Variants in CCDC6 observed in about 807,000 individuals in gnomAD.
CCDC6 encodes coiled-coil domain containing 6.
Under a neutral mutation model 56.6 loss-of-function variants are expected in CCDC6, and 20 were observed. The observed-to-expected ratio is 0.35, with a 90% CI of 0.25 to 0.51. CCDC6 has a LOEUF of 0.51. CCDC6 is among the 20% of genes least tolerant of loss of function. The pLI is 0.95. For missense variants in CCDC6, 367 were observed against 601.1 expected, an observed-to-expected ratio of 0.61 and a Z score of 4.07; for synonymous variants, 241 against 234.4, an observed-to-expected ratio of 1.03 and a Z score of -0.26.
intron 7 of CCDC6, among the ~76,000 whole-genome samples, chr10:59,804,190 T>TAA (rs58723922): frequency 6.8e-6 from 1 of 146,464 alleles, no homozygotes. Flanking sequence ...CCTTTTAGAT[T>TAA]AAAAAAAAAA....
intron 1 of CCDC6, among the ~76,000 whole-genome samples, chr10:59,861,795 G>A (rs2071130981): frequency 6.6e-6 from 1 of 152,206 alleles, no homozygotes; most frequent in Non-Finnish European, 1.5e-5. Flanking sequence ...GAAACAAAGA[G>A]TGATGGAGGT....
At position 59,885,925 on chromosome 10, in the gene CCDC6, C is replaced by A. The variant is rs867063856; in HGVS notation, c.303+20197G>T. 7.7e-3 allele frequency among the ~76,000 whole-genome samples: 1,000 copies of A among 129,120 alleles called. 24 individuals are homozygous for A. The highest frequency in any genetic ancestry group is 0.029 in the African/African-American group (926 of 31,550). The allele number at this position is 129,120 out of a possible 152,430, so 84.7% of individuals were successfully genotyped here. On this transcript the variant is annotated intron_variant, in intron 1 of 8. Transcript: ENST00000263102. ...TCTATTTCCAACCCCGCCCCCCGCC[C>A]CCCCAACTAGAATATCAGCTGCCAG... is the stretch of plus-strand genomic sequence containing the variant.
At chr10:59,876,662 C>A (rs1183129285) in intron 1 of CCDC6, among the ~76,000 whole-genome samples, 1 of 149,976 alleles carries the variant, frequency 6.7e-6, no homozygotes. Context: ...AACCCAAAGG[C>A]CACTTTTACA....
At chr10:59,882,024 CGCGGGGAGA>C (rs2071341209) in intron 1 of CCDC6, among the ~76,000 whole-genome samples, 3 of 48,254 alleles carry the variant, frequency 6.2e-5, no homozygotes, top group Non-Finnish European at 7.4e-5. Context: ...AAAGGAAAGC[CGCGGGGAGA>C]AGGAAAGGAA....
At chr10:59,804,349 G>A (rs2132626428) in intron 7 of CCDC6, 71 bp downstream of exon 7, 1 of 878,078 alleles carries the variant, frequency 1.1e-6, no homozygotes. Flanking sequence ...CACTAGAAGG[G>A]AACACAGTCA....
intron 2 of CCDC6, among the ~76,000 whole-genome samples, chr10:59,844,479 G>A (rs182518656): frequency 1.3e-5 from 2 of 150,990 alleles, no homozygotes; most frequent in Non-Finnish European, 2.9e-5. Flanking sequence ...TGCAGGGCAC[G>A]GTGGCTCATG....
intron 3 of CCDC6, among the ~76,000 whole-genome samples, chr10:59,828,201 T>G (rs752531400): frequency 6.6e-6 from 1 of 152,206 alleles, no homozygotes; most frequent in Non-Finnish European, 1.5e-5. Context: ...ATAAGAGATG[T>G]ATAGTGACCA....
At chr10:59,901,129 A>G (rs1317941935) in intron 1 of CCDC6, among the ~76,000 whole-genome samples, 1 of 152,234 alleles carries the variant, frequency 6.6e-6, no homozygotes, top group Non-Finnish European at 1.5e-5. Context: ...ATACTTACAA[A>G]TGTGAAAAAA....
chr10:59,856,655 G>A (rs1453357330), intron 1 of CCDC6, among the ~76,000 whole-genome samples: 1 of 152,078 alleles, frequency 6.6e-6, no homozygotes, highest in African/African-American at 2.4e-5. Flanking sequence ...CAAGCCCCAG[G>A]TACCATTCAC....
At chr10:59,876,586 G>A (rs1413316202) in intron 1 of CCDC6, among the ~76,000 whole-genome samples, 1 of 118,330 alleles carries the variant, frequency 8.5e-6, no homozygotes, top group Non-Finnish European at 1.6e-5. Context: ...ACCTGTTAAG[G>A]GGGAAAAAAA....
intron 5 of CCDC6, among the ~76,000 whole-genome samples, chr10:59,812,082 A>C (rs1488427278): frequency 1.9e-4 from 27 of 141,550 alleles, no homozygotes; most frequent in Admixed American, 1.7e-3. Context: ...AAAAAAAAAA[A>C]CCACAAATAG....
chr10:59,798,867 C>T (rs1049066129), intron 7 of CCDC6, among the ~76,000 whole-genome samples: 1 of 109,692 alleles, frequency 9.1e-6, no homozygotes, highest in Non-Finnish European at 1.8e-5. Context: ...GTGGTTTGTG[C>T]TGATAAATCC....
At position 59,794,483 on chromosome 10, in the gene CCDC6, T is replaced by C. The variant is rs574676584; in HGVS notation, c.1220A>G (p.His407Arg). Residue 407 changes from histidine to arginine, a missense_variant, in exon 8 of 9, where the codon CAT (histidine) becomes CGT (arginine). Transcript: ENST00000263102. ...GLHVQHMGTSHGITRPSPRRS... is the reference protein window; with the variant it reads ...GLHVQHMGTSRGITRPSPRRS... Reference sequence around the variant, plus strand: ...CCCACGGACACTTACTGTGATACCATGGGATGTTCCCATGTGCTGCACGTG... The same window carrying C: ...CCCACGGACACTTACTGTGATACCACGGGATGTTCCCATGTGCTGCACGTG... 6.2e-7 allele frequency: 1 copy of C among 1,614,104 alleles called. No individual in the cohort carries two copies. Among genetic ancestry groups the C allele is most frequent in the African/African-American group, 1.3e-5 (1 of 75,054 alleles).
intron 1 of CCDC6, among the ~76,000 whole-genome samples, chr10:59,881,443 C>T (rs971955330): frequency 6.6e-6 from 1 of 152,122 alleles, no homozygotes; most frequent in African/African-American, 2.4e-5. Flanking sequence ...AGGGGCATAA[C>T]GAGGTGAGAC....
chr10:59,829,079 T>C (rs2070813095), intron 3 of CCDC6, among the ~76,000 whole-genome samples: 1 of 152,190 alleles, frequency 6.6e-6, no homozygotes, highest in African/African-American at 2.4e-5. Context: ...TCTGACTAAT[T>C]GAAGTGTCCA....
rs537855125 is a variant in CCDC6 at position 59,824,905 on chromosome 10, T to C, written c.582+7620A>G. Among the ~76,000 whole-genome samples the C allele has an allele frequency of 1.2e-3, 183 of 152,346 alleles. 1 individual carries two copies. The highest frequency in any genetic ancestry group is 0.01 in the Middle Eastern group (3 of 294). On this transcript the variant is annotated intron_variant, in intron 3 of 8. Coordinates refer to ENST00000263102, the MANE Select transcript of CCDC6 (RefSeq NM_005436.5). ...GTATTTATAACTAAACTACAAAGTA[T>C]GCATGGTAGTCACTAAATTTCATTT...
intron 1 of CCDC6, among the ~76,000 whole-genome samples, chr10:59,900,768 T>C (rs1164380488): frequency 6.6e-6 from 1 of 152,194 alleles, no homozygotes; most frequent in African/African-American, 2.4e-5. Context: ...CTTTAAAATT[T>C]CAGCTTTTGG....
intron 5 of CCDC6, among the ~76,000 whole-genome samples, chr10:59,812,082 A>T (rs1488427278): frequency 7.1e-6 from 1 of 141,460 alleles, no homozygotes; most frequent in South Asian, 2.3e-4. Context: ...AAAAAAAAAA[A>T]CCACAAATAG....
intron 1 of CCDC6, among the ~76,000 whole-genome samples, chr10:59,876,584 A>G (rs1415689536): frequency 1.6e-5 from 2 of 121,668 alleles, no homozygotes; most frequent in Non-Finnish European, 1.6e-5. Context: ...ACACCTGTTA[A>G]GGGGGAAAAA....
Sources: allele counts gnomAD v4.1 joint callset (sites outside exome capture counted in the v4.1 genomes callset), GRCh38; gene constraint gnomAD v4.1.1; transcripts MANE v1.5; gene names NCBI Gene and HGNC (gene_info 2026-07-23, HGNC 2026-07-21).